Variants in PCDH17 observed in about 807,000 individuals in gnomAD.
The protein encoded by PCDH17 is protocadherin 17, also known as protocadherin-17.
PCDH17 carries 21 observed loss-of-function variants against 67.7 expected under a neutral mutation model. The ratio of observed to expected loss-of-function variants is 0.31; its 90% CI spans 0.22 to 0.45. The LOEUF (loss-of-function observed/expected upper bound fraction) is 0.45. PCDH17 is among the 20% of genes least tolerant of loss of function. PCDH17 has a pLI of 1.00. For missense variants in PCDH17, 1,471 were observed against 1,564.8 expected (o/e 0.94, Z 1.01); for synonymous variants, 701 against 656.7 (o/e 1.07, Z -1.03).
In PCDH17 at chr13:57,634,713, A is replaced by T. The variant is rs1566214604; in HGVS notation, c.2167A>T (p.Met723Leu). 6.2e-7 allele frequency: 1 copy of T among 1,613,930 alleles called. No homozygotes were observed. Among genetic ancestry groups the T allele is most frequent in the South Asian group, 1.1e-5 (1 of 91,080 alleles). ...STISIILLAA[M>L]ITIAVKCKRE... ...TATCTCCATCATCCTCCTAGCGGCCATGATCACCATCGCCGTCAAGTGCAA... is the reference window on the plus strand; with the variant it reads ...TATCTCCATCATCCTCCTAGCGGCCTTGATCACCATCGCCGTCAAGTGCAA... Residue 723 changes from methionine to leucine, a missense_variant, in exon 1 of 4, where the codon ATG becomes TTG. Transcript: ENST00000377918. This position sits in a 1 kb window ranked among gnomAD's most constrained non-coding sequence, Gnocchi z 7.8.
At chr13:57,657,711 A>T (rs938169941) in intron 1 of PCDH17, among the ~76,000 whole-genome samples, 1 of 152,234 alleles carries the variant, frequency 6.6e-6, no homozygotes, top group Non-Finnish European at 1.5e-5. Flanking sequence ...TTTCAACGCA[A>T]TGGTATCAAG....
chr13:57,716,637 T>C (rs760602603), intron 3 of PCDH17, among the ~76,000 whole-genome samples: 2 of 151,914 alleles, frequency 1.3e-5, no homozygotes, highest in Non-Finnish European at 2.9e-5. Context: ...TATGACATAG[T>C]TCAAAATGTA....
chr13:57,665,962 G>A (rs1955248035), intron 1 of PCDH17, among the ~76,000 whole-genome samples: 2 of 152,116 alleles, frequency 1.3e-5, no homozygotes, highest in South Asian at 4.1e-4. Context: ...TATGTGAGAT[G>A]CTTGTATCCA....
At chr13:57,673,036 A>G (rs1955342829) in intron 3 of PCDH17, among the ~76,000 whole-genome samples, 2 of 151,974 alleles carry the variant, frequency 1.3e-5, no homozygotes, top group Admixed American at 1.3e-4. Flanking sequence ...TTGTCTAAAG[A>G]CATAAGTGAT....
At position 57,653,098 on chromosome 13, in the gene PCDH17, A is replaced by G. The variant is rs552747203; in HGVS notation, c.2566-13370A>G. Among the ~76,000 whole-genome samples, 10 of 152,318 alleles carry G rather than the reference A, an allele frequency of 6.6e-5. No individual in the cohort carries two copies. The South Asian group carries it at 1.9e-3, about 28-fold the overall frequency. ...AAAGTATTCACAAATTTTGGATACT[A>G]TAGAGCAGCCCAGGATTCTCATGGA... On this transcript the variant is annotated intron_variant, in intron 1 of 3. Coordinates refer to ENST00000377918, the MANE Select transcript of PCDH17 (RefSeq NM_001040429.3).
intron 3 of PCDH17, among the ~76,000 whole-genome samples, chr13:57,714,152 C>T (rs1593948015): frequency 6.6e-6 from 1 of 151,728 alleles, no homozygotes; most frequent in East Asian, 1.9e-4. Flanking sequence ...AATAATAAGC[C>T]AGAGAAGATG....
intron 3 of PCDH17, among the ~76,000 whole-genome samples, chr13:57,688,638 T>G (rs754846688): frequency 7.2e-5 from 11 of 152,092 alleles, no homozygotes; most frequent in Non-Finnish European, 1.6e-4. Context: ...TATATCAAGG[T>G]ACTTGACTGT....
At chr13:57,649,759 A>G (rs980915306) in intron 1 of PCDH17, among the ~76,000 whole-genome samples, 17 of 152,154 alleles carry the variant, frequency 1.1e-4, no homozygotes, top group African/African-American at 4.1e-4. Context: ...TGGATGCACC[A>G]TTTTATATTT....
chr13:57,636,778 C>T (rs893554223), intron 1 of PCDH17, among the ~76,000 whole-genome samples: 2 of 152,042 alleles, frequency 1.3e-5, no homozygotes, highest in African/African-American at 2.4e-5. Context: ...TTTATAAATA[C>T]ACATATGTTA....
rs1171752031 is a variant in PCDH17, at chr13:57,634,806, G to T, written c.2260G>T (p.Gly754Trp). Reference protein sequence around the residue: ...IAEYSHPQLGGGKGKKKKINK... With the variant: ...IAEYSHPQLGWGKGKKKKINK... ...CGAGTACAGCCACCCGCAGCTGGGTGGGGGCAAGGGCAAGAAGAAGAAGAT... is the reference window on the plus strand; with the variant it reads ...CGAGTACAGCCACCCGCAGCTGGGTTGGGGCAAGGGCAAGAAGAAGAAGAT... Residue 754 changes from glycine to tryptophan, a missense_variant, in exon 1 of 4, where the codon GGG becomes TGG. This residue lies in a region of PCDH17 where 1,163 missense variants were observed against 1,230.0 expected (regional missense o/e 0.95). Transcript: ENST00000377918. The surrounding 1 kb of genome is among the most constrained non-coding windows in gnomAD (Gnocchi z 7.8). 2 of 1,614,030 alleles carry T rather than the reference G, an allele frequency of 1.2e-6. No individual in the cohort carries two copies. The highest frequency in any genetic ancestry group is 1.7e-6 in the Non-Finnish European group (2 of 1,180,018).
At chr13:57,697,628 G>A (rs1955623321) in intron 3 of PCDH17, among the ~76,000 whole-genome samples, 1 of 151,598 alleles carries the variant, frequency 6.6e-6, no homozygotes, top group South Asian at 2.1e-4. Flanking sequence ...AAGAATGACT[G>A]TCATTATATA....
chr13:57,651,354 A>AG (rs1190272387), intron 1 of PCDH17, among the ~76,000 whole-genome samples: 1 of 101,798 alleles, frequency 9.8e-6, no homozygotes, highest in East Asian at 3.2e-4. Flanking sequence ...GGTTTAATTG[A>AG]GGTTTTTTTT....
intron 3 of PCDH17, among the ~76,000 whole-genome samples, chr13:57,667,990 AG>A (rs1291028613): frequency 6.6e-6 from 1 of 151,256 alleles, no homozygotes; most frequent in African/African-American, 2.4e-5. Context: ...GGTTGACCTC[AG>A]AAAAAGCTGT....
rs993369368 is a variant in PCDH17, at chr13:57,661,969, C to T, written c.2566-4499C>T. On this transcript the variant is annotated intron_variant, in intron 1 of 3. Coordinates refer to ENST00000377918, the MANE Select transcript of PCDH17 (RefSeq NM_001040429.3). ...CCGCCTCCTGGATTCAAGCGATTCT[C>T]GTGCCTCAGCCACCCAAGTAGCTGG... is the stretch of plus-strand genomic sequence containing the variant. Among the ~76,000 whole-genome samples, 9 of 152,134 alleles carry T rather than the reference C, an allele frequency of 5.9e-5. 1 individual carries two copies. The highest frequency in any genetic ancestry group is 5.9e-5 in the Non-Finnish European group (4 of 68,026).
In PCDH17 at chr13:57,633,401, C is replaced by T. The variant is rs1251101870; in HGVS notation, c.855C>T (p.Tyr285=). 6.2e-7 allele frequency: 1 copy of T among 1,613,278 alleles called. No individual in the cohort carries two copies. The highest frequency in any genetic ancestry group is 8.5e-7 in the Non-Finnish European group (1 of 1,180,042). The part of the protein sequence containing the change: ...NGEVLYSFSS[Y]VPDRVRELFS... ...AAGTGCTCTACTCTTTCAGCAGCTA[C>T]GTGCCTGACCGCGTGCGGGAGCTCT... is the stretch of plus-strand genomic sequence containing the variant. Residue 285 remains tyrosine (Y), a synonymous_variant, in exon 1 of 4, where the codon TAC becomes TAT. Transcript: ENST00000377918. The surrounding 1 kb of genome is among the most constrained non-coding windows in gnomAD (Gnocchi z 6.2).
Position 57,634,841 on chromosome 13 carries a change from T to G in PCDH17, c.2295T>G (p.Asn765Lys). 6.2e-7 allele frequency: 1 copy of G among 1,613,952 alleles called. No homozygotes were observed. The change falls in exon 1 of 4, where the codon AAT (asparagine) becomes AAG (lysine). Residue 765 changes from asparagine to lysine, a missense_variant. Coordinates refer to ENST00000377918, the MANE Select transcript of PCDH17 (RefSeq NM_001040429.3). The surrounding 1 kb of genome is among the most constrained non-coding windows in gnomAD (Gnocchi z 7.8). ...GKGKKKKINK[N>K]DIMLVQSEVE... ...GCAAGAAGAAGAAGATCAACAAAAA[T>G]GATATCATGCTGGTGCAGAGCGAAG... is the stretch of plus-strand genomic sequence containing the variant.
At chr13:57,723,656 T>C (rs1456219951) in intron 3 of PCDH17, among the ~76,000 whole-genome samples, 4 of 152,158 alleles carry the variant, frequency 2.6e-5, no homozygotes, top group Non-Finnish European at 5.9e-5. Flanking sequence ...GGCACAATCA[T>C]TTATATAAGA....
At position 57,633,488 on chromosome 13, in the gene PCDH17, C is replaced by A; in HGVS notation, c.942C>A (p.Asn314Lys). ...RVKGNLDYEE[N>K]GMLEIDVQAR... ...AGGGCAATCTGGACTATGAGGAAAA[C>A]GGGATGCTGGAGATTGACGTGCAGG... Residue 314 changes from asparagine to lysine, a missense_variant, in exon 1 of 4, where the codon AAC (asparagine) becomes AAA (lysine). This residue lies in a region of PCDH17 where 1,163 missense variants were observed against 1,230.0 expected (regional missense o/e 0.95). Coordinates refer to ENST00000377918, the MANE Select transcript of PCDH17 (RefSeq NM_001040429.3). The surrounding 1 kb of genome is among the most constrained non-coding windows in gnomAD (Gnocchi z 6.2). The A allele has an allele frequency of 6.2e-7, 1 of 1,613,910 alleles. No individual in the cohort carries two copies. The highest frequency in any genetic ancestry group is 8.5e-7 in the Non-Finnish European group (1 of 1,180,034).
rs141956689 is a variant in PCDH17, at chr13:57,634,979, G to A, written c.2433G>A (p.Ser811=). The A allele has an allele frequency of 1.2e-6, 2 of 1,613,828 alleles. No individual in the cohort carries two copies. The highest frequency in any genetic ancestry group is 2.2e-5 in the South Asian group (2 of 91,072). The change falls in exon 1 of 4, where the codon TCG becomes TCA. Residue 811 remains serine, a synonymous_variant. Coordinates refer to ENST00000377918, the MANE Select transcript of PCDH17 (RefSeq NM_001040429.3). This position sits in a 1 kb window ranked among gnomAD's most constrained non-coding sequence, Gnocchi z 7.8. ...GCCTGCCCCTCAGCTCGCCCCGGTC[G>A]GAGGTGATGTATCTCAAACCGGCCT... ...QTRLPLSSPR[S]EVMYLKPASN... is the part of the protein sequence containing the mutation.
Sources: gnomAD v4.1 joint callset for allele counts (sites outside exome capture counted in the v4.1 genomes callset) on GRCh38, gnomAD v4.1.1 for gene constraint, gnomAD v4.1.1 regional missense constraint, Gnocchi (gnomAD v3.1) non-coding constraint, MANE v1.5 for transcripts, NCBI Gene and HGNC (gene_info 2026-07-23, HGNC 2026-07-21) for gene names.